STK32B: variants seen among roughly 807,000 people sequenced by gnomAD.
The protein encoded by STK32B is serine/threonine-protein kinase 32B.
Under a neutral mutation model 52.6 loss-of-function variants are expected in STK32B, and 43 were observed. The ratio of observed to expected loss-of-function variants is 0.82; its 90% CI spans 0.64 to 1.05. The LOEUF (loss-of-function observed/expected upper bound fraction) is 1.05, where lower values mean the gene tolerates loss of function less well. STK32B is among the 50% of genes least tolerant of loss of function. STK32B has a pLI of 0.00. For missense variants in STK32B, 621 were observed against 534.6 expected, an observed-to-expected ratio of 1.16 and a Z score of -1.59; for synonymous variants, 238 against 204.3, an observed-to-expected ratio of 1.17 and a Z score of -1.41.
intron 3 of STK32B, chr4:5,214,233 T>C (rs1183019953): frequency 6.6e-6 from 1 of 152,220 alleles, no homozygotes; most frequent in Non-Finnish European, 1.5e-5. Context: ...GCTTCCTCCT[T>C]GGTTCTCTCT....
intron 4 of STK32B, among the ~76,000 whole-genome samples, chr4:5,346,064 G>A (rs1432339843): frequency 6.6e-6 from 1 of 152,108 alleles, no homozygotes; most frequent in Non-Finnish European, 1.5e-5. Context: ...TTGAGCTTGT[G>A]CCTCCTGAAT....
intron 11 of STK32B, among the ~76,000 whole-genome samples, chr4:5,490,266 C>T (rs552304334): frequency 9.9e-5 from 15 of 151,962 alleles, no homozygotes; most frequent in Non-Finnish European, 1.5e-5. Context: ...GCCACCATGC[C>T]CAGCTAATTT....
rs932062949 is a variant in STK32B, at chr4:5,394,031, C to T, written c.435-4176C>T. Among the ~76,000 whole-genome samples, 1 of 152,154 alleles carries T rather than the reference C, an allele frequency of 6.6e-6. No homozygotes were observed. The highest frequency in any genetic ancestry group is 2.4e-5 in the African/African-American group (1 of 41,434). The stretch of plus-strand genomic sequence containing the variant: ...TCTCTTTACTGCTGCATAAGATTGC[C>T]AGCATAGAATATTGAGAAGCCCCCT... On this transcript the variant is annotated intron_variant, in intron 4 of 11. Coordinates refer to ENST00000282908, the MANE Select transcript of STK32B (RefSeq NM_018401.3). The surrounding 1 kb of genome is among the most constrained non-coding windows in gnomAD (Gnocchi z 4.2).
intron 1 of STK32B, among the ~76,000 whole-genome samples, chr4:5,120,700 T>A (rs1714978243): frequency 6.6e-6 from 1 of 152,114 alleles, no homozygotes; most frequent in Admixed American, 6.6e-5. Flanking sequence ...TTTTTGAGAT[T>A]TCCTGTGTTA....
the STK32B span, among the ~76,000 whole-genome samples, chr4:5,028,608 A>G: frequency 6.6e-6 from 1 of 152,164 alleles, no homozygotes; most frequent in East Asian, 1.9e-4. Flanking sequence ...GCTTTTGGGC[A>G]GAGATTATGA....
chr4:5,267,534 T>G (rs547128862), intron 3 of STK32B, among the ~76,000 whole-genome samples: 1 of 152,198 alleles, frequency 6.6e-6, no homozygotes, highest in Non-Finnish European at 1.5e-5. Context: ...CATTCTCACA[T>G]CTCAGGAAAA....
Position 5,225,548 on chromosome 4 carries a change from G to A in STK32B, c.260+57098G>A, listed in dbSNP as rs1723809233. On this transcript the variant is annotated intron_variant, in intron 3 of 11. Coordinates refer to ENST00000282908, the MANE Select transcript of STK32B (RefSeq NM_018401.3). ...GGTTTCAGTTACCTGCAGTCAGCCC[G>A]TCTTTATCTTCTGGTTGGGAAGGAG... 4.6e-5 allele frequency among the ~76,000 whole-genome samples: 7 copies of A among 152,078 alleles called. No homozygotes were observed. In the South Asian group the frequency reaches 8.3e-4, roughly 18 times the overall value.
intron 1 of STK32B, among the ~76,000 whole-genome samples, chr4:5,115,517 G>C (rs1352798972): frequency 8.5e-5 from 13 of 152,174 alleles, no homozygotes; most frequent in African/African-American, 2.7e-4. Context: ...AGTGTGTCTG[G>C]GGCAAAGCTG....
chr4:5,305,434 A>C (rs931125615), intron 3 of STK32B, among the ~76,000 whole-genome samples: 24 of 152,052 alleles, frequency 1.6e-4, no homozygotes, highest in Non-Finnish European at 3.1e-4. Context: ...GTGTATTTCC[A>C]GGAATTTATC....
intron 1 of STK32B, among the ~76,000 whole-genome samples, chr4:5,084,071 T>G (rs1162620160): frequency 6.6e-6 from 1 of 152,196 alleles, no homozygotes; most frequent in Non-Finnish European, 1.5e-5. Flanking sequence ...TATGTCTGTT[T>G]CTCTCTGCAA....
intron 3 of STK32B, among the ~76,000 whole-genome samples, chr4:5,323,535 G>A (rs1731664215): frequency 6.6e-6 from 1 of 152,172 alleles, no homozygotes; most frequent in South Asian, 2.1e-4. Flanking sequence ...GACAAGAAGA[G>A]GCCAGAGAAA....
chr4:5,120,182 A>T (rs1263053695), intron 1 of STK32B, among the ~76,000 whole-genome samples: 2 of 152,196 alleles, frequency 1.3e-5, no homozygotes, highest in African/African-American at 2.4e-5. Flanking sequence ...GTAATCATTG[A>T]CGTAATCTGC....
intron 3 of STK32B, among the ~76,000 whole-genome samples, chr4:5,263,171 C>G (rs28538660): frequency 0.027 from 4,060 of 148,974 alleles, 173 homozygotes; most frequent in African/African-American, 0.088. Context: ...TTGGTGCTCT[C>G]TAAGGCAGTG....
intron 1 of STK32B, among the ~76,000 whole-genome samples, chr4:5,057,496 G>A (rs1742050345): frequency 6.6e-6 from 1 of 152,288 alleles, no homozygotes; most frequent in East Asian, 1.9e-4. Context: ...GAGAGAGAAG[G>A]CAAAGCTTTT....
At chr4:5,054,702 C>A (rs1405140676) in intron 1 of STK32B, among the ~76,000 whole-genome samples, 1 of 152,184 alleles carries the variant, frequency 6.6e-6, no homozygotes, top group Non-Finnish European at 1.5e-5. Flanking sequence ...GTCCAGTGAA[C>A]AAGCTCTCCC....
rs1338440828 is a variant in STK32B at position 5,400,917 on chromosome 4, T to G, written c.472+2673T>G. 2.0e-5 allele frequency among the ~76,000 whole-genome samples: 3 copies of G among 149,996 alleles called. No homozygotes were observed. The highest frequency in any genetic ancestry group is 3.9e-4 in the East Asian group (2 of 5,092). On this transcript the variant is annotated intron_variant, in intron 5 of 11. Coordinates refer to ENST00000282908, the MANE Select transcript of STK32B (RefSeq NM_018401.3). This position sits in a 1 kb window ranked among gnomAD's most constrained non-coding sequence, Gnocchi z 6.1. ...ATGGGTTTCATGGTGTTGGGGAGAG[T>G]GTGGGGAAGCTCAGGAGAGGTCGGG...
chr4:5,453,132 T>C lies in STK32B; in HGVS notation c.667-3675T>C, dbSNP rs1385037963. ...TCATTTCTAAATGTATTTCCTGCAC[T>C]GGCTTCCTAGTGCATTGGAGTTATT... On this transcript the variant is annotated intron_variant, in intron 7 of 11. Coordinates refer to ENST00000282908, the MANE Select transcript of STK32B (RefSeq NM_018401.3). This position sits in a 1 kb window ranked among gnomAD's most constrained non-coding sequence, Gnocchi z 4.0. Among the ~76,000 whole-genome samples, 1 of 152,128 alleles carries C rather than the reference T, an allele frequency of 6.6e-6. No homozygotes were observed. The highest frequency in any genetic ancestry group is 1.9e-4 in the East Asian group (1 of 5,172).
At chr4:5,201,637 A>T (rs1183979241) in intron 3 of STK32B, among the ~76,000 whole-genome samples, 1 of 152,202 alleles carries the variant, frequency 6.6e-6, no homozygotes, top group East Asian at 1.9e-4. Context: ...AAAGAAGTTT[A>T]ATTGACTCAC....
intron 6 of STK32B, among the ~76,000 whole-genome samples, chr4:5,425,089 G>A (rs994671204): frequency 2.6e-5 from 4 of 152,382 alleles, no homozygotes; most frequent in Admixed American, 6.5e-5. Context: ...GCTGTGTGCA[G>A]TGGCCGGACC....
Sources: gnomAD v4.1 joint callset for allele counts (sites outside exome capture counted in the v4.1 genomes callset) on GRCh38, gnomAD v4.1.1 for gene constraint, Gnocchi (gnomAD v3.1) non-coding constraint, MANE v1.5 for transcripts, NCBI Gene and HGNC (gene_info 2026-07-23, HGNC 2026-07-21) for gene names.